Variants in TRAM2 observed in about 807,000 individuals in gnomAD.
TRAM2 encodes the protein translocation associated membrane protein 2, also known as translocating chain-associated membrane protein 2.
TRAM2 carries 12 observed loss-of-function variants against 51.0 expected under a neutral mutation model. The ratio of observed to expected loss-of-function variants is 0.24; its 90% CI spans 0.15 to 0.38. The LOEUF (loss-of-function observed/expected upper bound fraction) is 0.38. Ranked by LOEUF, TRAM2 falls within the 10% of genes least tolerant of loss-of-function variation. The probability of loss-of-function intolerance (pLI) is 1.00; values close to 1 mark genes in which losing one functional copy is unlikely to be tolerated. For missense variants in TRAM2, 361 were observed against 462.0 expected (o/e 0.78, Z 2.00); for synonymous variants, 175 against 179.4 (o/e 0.98, Z 0.20).
intron 2 of TRAM2, chr6:52,529,986 T>C (rs1364653895): frequency 6.6e-6 from 1 of 152,220 alleles, no homozygotes; most frequent in East Asian, 1.9e-4. Context: ...AGAAAACACA[T>C]ATTTTATTCC....
chr6:52,510,372 A>G (rs190586691), intron 4 of TRAM2, among the ~76,000 whole-genome samples: 2 of 152,342 alleles, frequency 1.3e-5, no homozygotes, highest in African/African-American at 2.4e-5. Context: ...CAAAGAGCTG[A>G]GCTCACAGTA....
intron 1 of TRAM2, among the ~76,000 whole-genome samples, chr6:52,575,589 A>G (rs1431233533): frequency 6.6e-6 from 1 of 152,336 alleles, no homozygotes; most frequent in Admixed American, 6.5e-5. Context: ...CAGCTTCGCC[A>G]GCCAATTAGG....
chr6:52,515,781 A>G, intron 4 of TRAM2: 1 of 515,034 alleles, frequency 1.9e-6, no homozygotes, highest in Non-Finnish European at 3.5e-6. Context: ...CTGTTGGCCA[A>G]GATGACTCTC....
chr6:52,497,960 T>C lies in TRAM2; in HGVS notation c.*5237A>G, dbSNP rs1258911440. 6.6e-6 allele frequency: 1 copy of C among 152,198 alleles called. No individual in the cohort carries two copies. Among genetic ancestry groups the C allele is most frequent in the Non-Finnish European group, 1.5e-5 (1 of 68,032 alleles). The allele number at this position is 152,198 out of a possible 1,614,324, so 9.4% of individuals were successfully genotyped here. On this transcript the variant is annotated 3_prime_UTR_variant, in exon 11 of 11. Transcript: ENST00000182527. ...GTGCTTTTAGGCAGAGTGACGGTGA[T>C]GTCATGGGCACCACGCCAATCTTAT...
intron 1 of TRAM2, among the ~76,000 whole-genome samples, chr6:52,567,913 A>T (rs1299866133): frequency 6.6e-6 from 1 of 152,022 alleles, no homozygotes; most frequent in Non-Finnish European, 1.5e-5. Context: ...CCTAGCTACT[A>T]CTCCTAAATC....
At chr6:52,561,837 A>G (rs900190260) in intron 1 of TRAM2, among the ~76,000 whole-genome samples, 3 of 151,584 alleles carry the variant, frequency 2.0e-5, no homozygotes, top group Non-Finnish European at 4.4e-5. Flanking sequence ...CGAACTCCCA[A>G]GCTCAGGCAA....
intron 1 of TRAM2, among the ~76,000 whole-genome samples, chr6:52,554,158 T>C (rs2268716): frequency 0.2 from 30,517 of 152,034 alleles, 3,986 homozygotes; most frequent in Non-Finnish European, 0.29. Flanking sequence ...CACCCAGCCC[T>C]GTCCCCACCG....
chr6:52,544,290 G>A (rs758435869), intron 1 of TRAM2, among the ~76,000 whole-genome samples: 9 of 152,022 alleles, frequency 5.9e-5, no homozygotes, highest in Admixed American at 2.6e-4. Context: ...AACTGAGGCC[G>A]GAAAGTGAAA....
At chr6:52,519,267 G>A (rs1013820829) in intron 2 of TRAM2, among the ~76,000 whole-genome samples, 3 of 152,152 alleles carry the variant, frequency 2.0e-5, no homozygotes, top group Admixed American at 2.0e-4. Flanking sequence ...CCAAAGAACT[G>A]TAACTCAACA....
chr6:52,543,435 T>C (rs781423955), intron 1 of TRAM2, among the ~76,000 whole-genome samples: 18 of 152,238 alleles, frequency 1.2e-4, no homozygotes, highest in Non-Finnish European at 2.5e-4. Flanking sequence ...CTGGTTGTGT[T>C]TGGATATGAG....
chr6:52,529,775 C>T (rs1282197722), intron 2 of TRAM2: 1 of 152,238 alleles, frequency 6.6e-6, no homozygotes, highest in Non-Finnish European at 1.5e-5. Context: ...CAACCCAAGA[C>T]AACCTTGTGG....
At chr6:52,548,370 C>A (rs1427901420) in intron 1 of TRAM2, among the ~76,000 whole-genome samples, 1 of 152,244 alleles carries the variant, frequency 6.6e-6, no homozygotes. Flanking sequence ...AGCAACCCTG[C>A]AAGGAGCGAC....
In TRAM2 at chr6:52,498,459, CAA is replaced by C. The variant is rs1158346522; in HGVS notation, c.*4736_*4737del. On this transcript the variant is annotated 3_prime_UTR_variant, in exon 11 of 11. Coordinates refer to ENST00000182527, the MANE Select transcript of TRAM2 (RefSeq NM_012288.4). ...TATAAACTTTGGGCTGAATGGGAAG[CAA>C]AATAGACCAAAAGAGGTTACGGCAA... 2 of 151,948 alleles carry C rather than the reference CAA, an allele frequency of 1.3e-5. No individual in the cohort carries two copies. Among genetic ancestry groups the C allele is most frequent in the African/African-American group, 4.8e-5 (2 of 41,302 alleles). The allele number at this position is 151,948 out of a possible 1,614,324, so 9.4% of individuals were successfully genotyped here.
rs149590703 is a variant in TRAM2 at position 52,544,919 on chromosome 6, G to A, written c.121-9073C>T. 2.2e-4 allele frequency among the ~76,000 whole-genome samples: 33 copies of A among 152,272 alleles called. No individual in the cohort carries two copies. The East Asian group carries it at 5.4e-3, about 25-fold the overall frequency. On this transcript the variant is annotated intron_variant, in intron 1 of 10. Coordinates refer to ENST00000182527, the MANE Select transcript of TRAM2 (RefSeq NM_012288.4). Reference sequence around the variant, plus strand: ...CACACTTTGCCACAAACCAGTCTCCGCATACCCCTAAGCCAAATAAACAAA... The same window carrying A: ...CACACTTTGCCACAAACCAGTCTCCACATACCCCTAAGCCAAATAAACAAA...
rs572959308 is a variant in TRAM2, at chr6:52,568,992, G to GT, written c.120+7803dup. ...ACCCAAAAAAGACATTAGAGATCAT[G>GT]TTTGGGTTTGATGTTTAAAGTCTTA... On this transcript the variant is annotated intron_variant, in intron 1 of 10. Coordinates refer to ENST00000182527, the MANE Select transcript of TRAM2 (RefSeq NM_012288.4). Among the ~76,000 whole-genome samples the GT allele has an allele frequency of 1.8e-3, 268 of 152,292 alleles. 1 individual carries two copies. The highest frequency in any genetic ancestry group is 0.01 in the Middle Eastern group (3 of 294).
At chr6:52,570,803 C>CCCA (rs3062730) in intron 1 of TRAM2, among the ~76,000 whole-genome samples, 1 of 122,734 alleles carries the variant, frequency 8.1e-6, no homozygotes, top group Non-Finnish European at 1.7e-5. Flanking sequence ...CCACCCCCCC[C>CCCA]CCCACACGCA....
At chr6:52,518,893 T>C (rs1766608789) in intron 2 of TRAM2, among the ~76,000 whole-genome samples, 1 of 152,228 alleles carries the variant, frequency 6.6e-6, no homozygotes, top group Non-Finnish European at 1.5e-5. Context: ...ATGGGATTTA[T>C]ACTCAACCAA....
At chr6:52,563,962 T>G (rs897368895) in intron 1 of TRAM2, among the ~76,000 whole-genome samples, 1 of 151,150 alleles carries the variant, frequency 6.6e-6, no homozygotes, top group Admixed American at 6.6e-5. Context: ...TGCATGCACA[T>G]GCTAAAGTAG....
At chr6:52,568,231 G>T (rs970085414) in intron 1 of TRAM2, among the ~76,000 whole-genome samples, 2 of 152,074 alleles carry the variant, frequency 1.3e-5, no homozygotes, top group African/African-American at 4.8e-5. Flanking sequence ...CTGAAAGAAG[G>T]GCACACGTTC....
Sources: allele counts gnomAD v4.1 joint callset (sites outside exome capture counted in the v4.1 genomes callset), GRCh38; gene constraint gnomAD v4.1.1; transcripts MANE v1.5; gene names NCBI Gene and HGNC (gene_info 2026-07-23, HGNC 2026-07-21).